GRM4: variants seen among roughly 807,000 people sequenced by gnomAD.
GRM4 encodes glutamate metabotropic receptor 4.
A neutral mutation model predicts 81.7 loss-of-function variants in GRM4; 28 were observed. The observed-to-expected ratio is 0.34, with a 90% CI of 0.25 to 0.47. The LOEUF (loss-of-function observed/expected upper bound fraction) is 0.47, where lower values mean the gene tolerates loss of function less well. GRM4 is among the 20% of genes least tolerant of loss of function. GRM4 has a pLI of 1.00. For missense variants in GRM4, 948 were observed against 1,290.0 expected (o/e 0.73, Z 4.06); for synonymous variants, 488 against 528.8 (o/e 0.92, Z 1.06).
At chr6:34,146,593 G>T (rs1053180213), upstream of GRM4, among the ~76,000 whole-genome samples, 1 of 152,238 alleles carries the variant, frequency 6.6e-6, no homozygotes, top group South Asian at 2.1e-4. Context: ...TGCAGAAGCG[G>T]CTTCAATTAG....
At chr6:34,099,839 T>C (rs1413419678) in intron 2 of GRM4, among the ~76,000 whole-genome samples, 1 of 152,096 alleles carries the variant, frequency 6.6e-6, no homozygotes, top group Non-Finnish European at 1.5e-5. Flanking sequence ...CGGGAGACTG[T>C]CTGTCCTTGC....
At chr6:34,028,452 C>G in intron 9 of GRM4, 86 bp from the exon 10 acceptor site, 1 of 1,418,088 alleles carries the variant, frequency 7.1e-7, no homozygotes. Flanking sequence ...GGGACCCACC[C>G]GGCATCCCGC....
chr6:34,026,189 G>T (rs1764125710), intron 10 of GRM4, among the ~76,000 whole-genome samples: 1 of 152,228 alleles, frequency 6.6e-6, no homozygotes, highest in African/African-American at 2.4e-5. Flanking sequence ...TATGTAGCCT[G>T]CCAGTGACAG....
At chr6:34,150,786 G>T (rs1311400638), upstream of GRM4, among the ~76,000 whole-genome samples, 1 of 152,210 alleles carries the variant, frequency 6.6e-6, no homozygotes, top group Non-Finnish European at 1.5e-5. Flanking sequence ...AGCGGCCACG[G>T]GGCAGAAGTT....
At chr6:34,044,751 T>TACACAGAC (rs796918373) in intron 6 of GRM4, among the ~76,000 whole-genome samples, 4 of 132,558 alleles carry the variant, frequency 3.0e-5, no homozygotes, top group African/African-American at 1.1e-4. Context: ...TACACATATA[T>TACACAGAC]ACACATACAC....
intron 2 of GRM4, among the ~76,000 whole-genome samples, chr6:34,109,500 G>A (rs560967390): frequency 2.6e-4 from 40 of 152,110 alleles, no homozygotes; most frequent in Non-Finnish European, 4.7e-4. Context: ...CAGGCCTCCC[G>A]GGCACCAGCA....
Position 34,121,226 on chromosome 6 carries a change from A to G in GRM4, c.519+11752T>C, listed in dbSNP as rs1453051982. On this transcript the variant is annotated intron_variant, in intron 2 of 10. Transcript: ENST00000538487. This position sits in a 1 kb window ranked among gnomAD's most constrained non-coding sequence, Gnocchi z 4.6. ...ACCGCCCCCCAGTCCTAAGCCTCAG[A>G]CTCCTTCCCTGGCTAGGGTCTCCCA... Among the ~76,000 whole-genome samples the G allele has an allele frequency of 1.3e-5, 2 of 151,416 alleles. No individual in the cohort carries two copies. The highest frequency in any genetic ancestry group is 2.9e-5 in the Non-Finnish European group (2 of 67,828).
intron 2 of GRM4, among the ~76,000 whole-genome samples, chr6:34,099,793 G>C (rs1768735419): frequency 6.6e-6 from 1 of 152,168 alleles, no homozygotes; most frequent in Admixed American, 6.5e-5. Context: ...GGGCACAACT[G>C]GGTGGTCTTT....
intron 6 of GRM4, 137 bp downstream of exon 6, chr6:34,056,407 G>C: frequency 2.8e-6 from 2 of 707,512 alleles, no homozygotes; most frequent in Non-Finnish European, 4.6e-6. Context: ...CTCCACCCCA[G>C]GTGCAGGCCC....
intron 2 of GRM4, among the ~76,000 whole-genome samples, chr6:34,102,436 G>A (rs776534434): frequency 6.6e-6 from 1 of 152,112 alleles, no homozygotes; most frequent in Non-Finnish European, 1.5e-5. Flanking sequence ...CCGCCTCAGG[G>A]CCTTTGCACT....
At chr6:34,024,608 T>TC in intron 10 of GRM4, 1 of 453,278 alleles carries the variant, frequency 2.2e-6, no homozygotes, top group African/African-American at 2.0e-5. Flanking sequence ...AGCAGAGGGG[T>TC]CCACCATGGG....
chr6:34,057,362 G>A (rs1450083634), intron 5 of GRM4, among the ~76,000 whole-genome samples: 1 of 152,214 alleles, frequency 6.6e-6, no homozygotes, highest in African/African-American at 2.4e-5. Context: ...AAGCTCAGCG[G>A]GGCCACGTGG....
At chr6:34,046,604 T>C (rs960664949) in intron 6 of GRM4, among the ~76,000 whole-genome samples, 2 of 152,200 alleles carry the variant, frequency 1.3e-5, no homozygotes, top group African/African-American at 4.8e-5. Context: ...CAGGGATAAA[T>C]GCTCCAGCTC....
chr6:34,033,904 C>CCTGGCTAT (rs1384335901), intron 9 of GRM4, among the ~76,000 whole-genome samples: 2 of 152,060 alleles, frequency 1.3e-5, no homozygotes, highest in African/African-American at 4.8e-5. Flanking sequence ...TGCCTGGCTA[C>CCTGGCTAT]GTTTTTGTAT....
rs748099036 is a variant in GRM4, at chr6:34,132,936, G to A, written c.519+42C>T. On this transcript the variant is annotated intron_variant, in intron 2 of 10. Transcript: ENST00000538487. ...CCCTGAAGTGGGGCGGGCAGAGTCC[G>A]TTGGGGGAAGAGCACCTCAGGGGAC... 36 of 1,522,016 alleles carry A rather than the reference G, an allele frequency of 2.4e-5. No homozygotes were observed. The East Asian group carries it at 3.4e-4, about 14-fold the overall frequency. 94.3% of individuals were successfully genotyped at this position (1,522,016 alleles called of 1,614,324 possible). A position where few individuals can be genotyped will look rare whatever the true frequency, so the allele number is the denominator to read the frequency against.
chr6:34,031,550 C>T (rs114582382), intron 9 of GRM4, among the ~76,000 whole-genome samples: 1,681 of 152,292 alleles, frequency 0.011, 15 homozygotes, highest in East Asian at 0.024. Context: ...GCCGGCTGAC[C>T]CTGATAGGAA....
intron 3 of GRM4, among the ~76,000 whole-genome samples, chr6:34,072,645 A>ACC: frequency 6.8e-6 from 1 of 147,422 alleles, no homozygotes; most frequent in Middle Eastern, 3.6e-3. Context: ...CACCACACAC[A>ACC]CACACATCAC....
chr6:34,071,155 T>G (rs988726018), intron 3 of GRM4, among the ~76,000 whole-genome samples: 15 of 151,542 alleles, frequency 9.9e-5, no homozygotes, highest in African/African-American at 3.4e-4. Context: ...CACACATATT[T>G]GCATCCAATT....
intron 9 of GRM4, among the ~76,000 whole-genome samples, chr6:34,031,738 G>A (rs1764437620): frequency 6.6e-6 from 1 of 152,204 alleles, no homozygotes; most frequent in African/African-American, 2.4e-5. Context: ...GGCTAAGGCT[G>A]GGAAATCCAG....
Sources: allele counts gnomAD v4.1 joint callset (sites outside exome capture counted in the v4.1 genomes callset), GRCh38; gene constraint gnomAD v4.1.1; non-coding constraint Gnocchi (gnomAD v3.1); transcripts MANE v1.5; gene names NCBI Gene and HGNC (gene_info 2026-07-23, HGNC 2026-07-21).